The following AFF3 variants were observed in gnomAD, a reference collection of about 807,000 sequenced individuals.
AFF3 encodes ALF transcription elongation factor 3, also known as AF4/FMR2 family member 3.
Under a neutral mutation model 129.7 loss-of-function variants are expected in AFF3, and 32 were observed. That is an observed-to-expected ratio of 0.25 (90% CI 0.19 to 0.33). The LOEUF (loss-of-function observed/expected upper bound fraction) is 0.33. Among genes scored for constraint, AFF3 ranks in the 10% least tolerant of loss-of-function variants. AFF3 has a pLI of 1.00. For missense variants in AFF3, 1,373 were observed against 1,592.0 expected, an observed-to-expected ratio of 0.86 and a Z score of 2.34; for synonymous variants, 644 against 635.4, an observed-to-expected ratio of 1.01 and a Z score of -0.20.
chr2:99,721,856 A>AT lies in AFF3; in HGVS notation c.1091+5220dup, dbSNP rs1422033361. 1.7e-4 allele frequency among the ~76,000 whole-genome samples: 26 copies of AT among 152,042 alleles called. 1 individual carries two copies. Among genetic ancestry groups the AT allele is most frequent in the Admixed American group, 1.7e-3 (26 of 15,264 alleles). Reference sequence around the variant, plus strand: ...GTTTTCAGCTATTATTCCTTCAGATATTTTTTCAGGTCTATTTTGTCTCTC... The same window carrying AT: ...GTTTTCAGCTATTATTCCTTCAGATATTTTTTTCAGGTCTATTTTGTCTCTC... On this transcript the variant is annotated intron_variant, in intron 11 of 24. Coordinates refer to ENST00000672756, the MANE Select transcript of AFF3 (RefSeq NM_001386135.1).
rs202019958 is a variant in AFF3, at chr2:99,601,498, C to A, written c.1308G>T (p.Ser436=). 1 of 1,608,404 alleles carries A rather than the reference C, an allele frequency of 6.2e-7. No homozygotes were observed. Among genetic ancestry groups the A allele is most frequent in the South Asian group, 1.1e-5 (1 of 89,758 alleles). The change falls in exon 14 of 25, where the codon TCG becomes TCT. Residue 436 remains serine, a synonymous_variant. Coordinates refer to ENST00000672756, the MANE Select transcript of AFF3 (RefSeq NM_001386135.1). ...TCTCGCTGGAGCTGCTCTCGGTCTC[C>A]GAGTCAGATCCGGAGCTGCTCTCTG... The part of the protein sequence containing the change: ...SDSESSSGSD[S]ETESSSSESE...
In AFF3 at chr2:99,594,115, G is replaced by A. The variant is rs760559169; in HGVS notation, c.1546C>T (p.Pro516Ser). ...DCGKVPDVCQ[P>S]SLREKEIKST... ...TTGATCTCCTTCTCTCTCAGGCTGGGCTGGCAAACGTCGGGGACTTTCCCA... is the reference window on the plus strand; with the variant it reads ...TTGATCTCCTTCTCTCTCAGGCTGGACTGGCAAACGTCGGGGACTTTCCCA... Residue 516 changes from proline to serine, a missense_variant, in exon 15 of 25, where the codon CCC becomes TCC. By Grantham distance (74) the Pro-to-Ser change is moderately conservative. Transcript: ENST00000672756. 6.2e-6 allele frequency: 10 copies of A among 1,614,040 alleles called. No homozygotes were observed. Among genetic ancestry groups the A allele is most frequent in the Non-Finnish European group, 5.9e-6 (7 of 1,179,968 alleles).
intron 7 of AFF3, among the ~76,000 whole-genome samples, chr2:99,841,639 C>A (rs1410307403): frequency 6.6e-6 from 1 of 152,154 alleles, no homozygotes; most frequent in Non-Finnish European, 1.5e-5. Flanking sequence ...AATCCATGGG[C>A]CACAGTATCG....
intron 7 of AFF3, among the ~76,000 whole-genome samples, chr2:99,910,635 TA>T (rs1250033149): frequency 2.6e-5 from 4 of 152,378 alleles, no homozygotes; most frequent in Non-Finnish European, 4.4e-5. Flanking sequence ...TCTAAGTTGC[TA>T]AGTTGATATT....
intron 4 of AFF3, among the ~76,000 whole-genome samples, chr2:100,087,749 A>C (rs1363081021): frequency 6.6e-6 from 1 of 152,036 alleles, no homozygotes; most frequent in East Asian, 1.9e-4. Flanking sequence ...AATACTAGCA[A>C]AACAAATCCA....
intron 10 of AFF3, among the ~76,000 whole-genome samples, chr2:99,732,601 C>T (rs927039764): frequency 1.3e-5 from 2 of 152,118 alleles, no homozygotes; most frequent in African/African-American, 4.8e-5. Flanking sequence ...CACTGCTGTG[C>T]AATACTTTAT....
chr2:99,680,129 C>T (rs1674386566), intron 11 of AFF3, among the ~76,000 whole-genome samples: 1 of 152,180 alleles, frequency 6.6e-6, no homozygotes, highest in Admixed American at 6.5e-5. Flanking sequence ...ATCTAGGCCA[C>T]AGTTATGAAG....
intron 7 of AFF3, among the ~76,000 whole-genome samples, chr2:99,900,188 G>C (rs749212735): frequency 1.3e-5 from 2 of 152,176 alleles, no homozygotes; most frequent in African/African-American, 4.8e-5. Context: ...CAGTTGTAGG[G>C]AGACAGTATT....
At chr2:99,604,246 G>C (rs10167554) in intron 13 of AFF3, among the ~76,000 whole-genome samples, 23,701 of 151,930 alleles carry the variant, frequency 0.16, 1,905 homozygotes, top group Non-Finnish European at 0.18. Flanking sequence ...TGACAGACTG[G>C]ATAAAGAAAA....
At chr2:99,582,231 T>C (rs1355569880) in intron 17 of AFF3, among the ~76,000 whole-genome samples, 3 of 152,110 alleles carry the variant, frequency 2.0e-5, no homozygotes, top group Non-Finnish European at 4.4e-5. Flanking sequence ...AGCAGAGAGA[T>C]TAAGCAACTG....
chr2:99,712,831 A>G (rs1678018003), intron 11 of AFF3, among the ~76,000 whole-genome samples: 1 of 152,258 alleles, frequency 6.6e-6, no homozygotes, highest in Non-Finnish European at 1.5e-5. Flanking sequence ...GGTGGAGCCA[A>G]CCCAAGTGTC....
chr2:99,765,048 A>G (rs907332222), intron 8 of AFF3, among the ~76,000 whole-genome samples: 103 of 152,320 alleles, frequency 6.8e-4, no homozygotes, highest in Non-Finnish European at 1.0e-3. Flanking sequence ...AGGTTTATAA[A>G]AAGTGAGCCA....
In AFF3 at chr2:100,069,322, C is replaced by T. The variant is rs1404152567; in HGVS notation, c.53+35080G>A. Reference sequence around the variant, plus strand: ...TATACCCCAGAACTTCAAAATCTTACCCTCCAGAGGGGGGTCCAGGAATGT... The same window carrying T: ...TATACCCCAGAACTTCAAAATCTTATCCTCCAGAGGGGGGTCCAGGAATGT... On this transcript the variant is annotated intron_variant, in intron 4 of 24. Transcript: ENST00000672756. Among the ~76,000 whole-genome samples, 3 of 152,138 alleles carry T rather than the reference C, an allele frequency of 2.0e-5. No individual in the cohort carries two copies. In the East Asian group the frequency reaches 5.8e-4, roughly 29 times the overall value.
intron 7 of AFF3, among the ~76,000 whole-genome samples, chr2:99,940,009 A>G (rs1338687039): frequency 1.3e-5 from 2 of 152,168 alleles, no homozygotes; most frequent in Non-Finnish European, 2.9e-5. Context: ...TGGGGAAACA[A>G]AATTTCTCAA....
At chr2:100,123,781 C>T (rs1692077022) in intron 2 of AFF3, among the ~76,000 whole-genome samples, 1 of 152,068 alleles carries the variant, frequency 6.6e-6, no homozygotes, top group South Asian at 2.1e-4. Flanking sequence ...GACCTGCTAA[C>T]AGTAAGCACG....
At chr2:99,958,400 G>C (rs1676866000) in intron 7 of AFF3, among the ~76,000 whole-genome samples, 1 of 151,816 alleles carries the variant, frequency 6.6e-6, no homozygotes, top group Admixed American at 6.6e-5. Flanking sequence ...GGCTGAGGCA[G>C]GAGAATCACT....
intron 4 of AFF3, among the ~76,000 whole-genome samples, chr2:100,078,815 T>C (rs1452368987): frequency 2.0e-5 from 3 of 152,178 alleles, no homozygotes; most frequent in East Asian, 3.9e-4. Flanking sequence ...CATGCTCCCA[T>C]ATACCTGAAA....
At chr2:100,114,307 C>A (rs74641604) in intron 2 of AFF3, among the ~76,000 whole-genome samples, 2,048 of 152,282 alleles carry the variant, frequency 0.013, 51 homozygotes, top group African/African-American at 0.047. Flanking sequence ...GACAGCAGAG[C>A]TTTAGACAAA....
At chr2:99,896,288 T>G (rs926279160) in intron 7 of AFF3, among the ~76,000 whole-genome samples, 1 of 152,084 alleles carries the variant, frequency 6.6e-6, no homozygotes, top group African/African-American at 2.4e-5. Context: ...CCAAACATTC[T>G]GCATTGAGGA....
Sources: gnomAD v4.1 joint callset for allele counts (sites outside exome capture counted in the v4.1 genomes callset) on GRCh38, gnomAD v4.1.1 for gene constraint, MANE v1.5 for transcripts, NCBI Gene and HGNC (gene_info 2026-07-23, HGNC 2026-07-21) for gene names.